The following GCNT1 variants were observed in gnomAD, a reference collection of about 807,000 sequenced individuals.
GCNT1 encodes glucosaminyl (N-acetyl) transferase 1, also known as beta-1,3-galactosyl-O-glycosyl-glycoprotein beta-1,6-N-acetylglucosaminyltransferase.
GCNT1 carries 16 observed loss-of-function variants against 26.2 expected under a neutral mutation model. The ratio of observed to expected loss-of-function variants is 0.61; its 90% CI spans 0.41 to 0.93. The LOEUF (loss-of-function observed/expected upper bound fraction) is 0.93, where lower values mean the gene tolerates loss of function less well. GCNT1 is among the 40% of genes least tolerant of loss of function. The pLI, the probability that GCNT1 is intolerant of heterozygous loss-of-function variation, is 0.00. For missense variants in GCNT1, 477 were observed against 526.7 expected (o/e 0.91, Z 0.92); for synonymous variants, 183 against 190.8 (o/e 0.96, Z 0.34).
chr9:76,462,915 T>C (rs531542325), intron 2 of GCNT1, among the ~76,000 whole-genome samples: 6 of 152,074 alleles, frequency 3.9e-5, no homozygotes, highest in Non-Finnish European at 8.8e-5. Context: ...TTTAAAAAGT[T>C]GAAAATGAAA....
chr9:76,426,668 G>GTTATCA (rs1564219939), intron 1 of GCNT1, among the ~76,000 whole-genome samples: 1 of 152,200 alleles, frequency 6.6e-6, no homozygotes, highest in East Asian at 1.9e-4. Context: ...GGCTAAGGCA[G>GTTATCA]GTGGATCACC....
chr9:76,405,712 G>A, the GCNT1 span, among the ~76,000 whole-genome samples: 1 of 152,074 alleles, frequency 6.6e-6, no homozygotes, highest in Non-Finnish European at 1.5e-5. Context: ...CGTCTTCATG[G>A]CTTGATGGCT....
intron 2 of GCNT1, among the ~76,000 whole-genome samples, chr9:76,472,654 T>A (rs1587433814): frequency 1.3e-5 from 2 of 152,186 alleles, no homozygotes; most frequent in East Asian, 3.8e-4. Flanking sequence ...TTTAAATATT[T>A]ACAGTAGACC....
intron 2 of GCNT1, among the ~76,000 whole-genome samples, chr9:76,464,030 CT>C (rs1192946211): frequency 2.3e-5 from 3 of 128,410 alleles, no homozygotes; most frequent in Admixed American, 7.9e-5. Context: ...ACTCCCATCT[CT>C]TTTTTTGTTT....
chr9:76,395,456 T>G, the GCNT1 span, among the ~76,000 whole-genome samples: 1 of 152,142 alleles, frequency 6.6e-6, no homozygotes, highest in South Asian at 2.1e-4. Context: ...GCTTGGTGGC[T>G]CACGCCTGTA....
intron 2 of GCNT1, among the ~76,000 whole-genome samples, chr9:76,471,009 C>T (rs1428866783): frequency 1.3e-5 from 2 of 152,226 alleles, no homozygotes; most frequent in Non-Finnish European, 2.9e-5. Context: ...AGCCCCTGAT[C>T]TCATCCATTG....
chr9:76,426,274 A>T (rs1381242695), intron 1 of GCNT1, among the ~76,000 whole-genome samples: 1 of 152,218 alleles, frequency 6.6e-6, no homozygotes, highest in African/African-American at 2.4e-5. Context: ...CTTTCACTGT[A>T]ATAATTTTCT....
upstream of GCNT1, among the ~76,000 whole-genome samples, chr9:76,454,985 T>C (rs1365007348): frequency 1.3e-5 from 2 of 151,438 alleles, no homozygotes; most frequent in East Asian, 1.9e-4. Flanking sequence ...GTAGCTGGGA[T>C]TACAGGCGTG....
At chr9:76,443,354 G>T (rs954787478) in intron 1 of GCNT1, among the ~76,000 whole-genome samples, 3 of 152,170 alleles carry the variant, frequency 2.0e-5, no homozygotes, top group Non-Finnish European at 4.4e-5. Flanking sequence ...TTTATTAACA[G>T]CAAGCCAGTC....
chr9:76,481,306 T>C (rs999401837), intron 2 of GCNT1, among the ~76,000 whole-genome samples: 5 of 151,910 alleles, frequency 3.3e-5, no homozygotes, highest in Non-Finnish European at 5.9e-5. Context: ...CCCCTTCTGC[T>C]TGATCAAGAC....
At position 76,502,565 on chromosome 9, in the gene GCNT1, G is replaced by A. The variant is rs765254028; in HGVS notation, c.184G>A (p.Val62Ile). Residue 62 changes from valine (V) to isoleucine (I), a missense_variant, in exon 4 of 4, where the codon GTT (valine) becomes ATT (isoleucine). Transcript: ENST00000376730. ...NPSSDINCTK[V>I]LQGDVNEIQK... ...TAGTAGTGATATTAATTGCACCAAA[G>A]TTTTACAGGGTGATGTAAATGAAAT... 17 of 1,613,874 alleles carry A rather than the reference G, an allele frequency of 1.1e-5. No individual in the cohort carries two copies. Among genetic ancestry groups the A allele is most frequent in the African/African-American group, 2.7e-5 (2 of 74,910 alleles).
upstream of GCNT1, among the ~76,000 whole-genome samples, chr9:76,454,848 T>C (rs550871258): frequency 3.4e-3 from 480 of 139,468 alleles, 3 homozygotes; most frequent in African/African-American, 0.012. Context: ...TTTTCTTTTT[T>C]TTTTTTTTTT....
chr9:76,472,149 C>T (rs1248146564), intron 2 of GCNT1, among the ~76,000 whole-genome samples: 2 of 152,088 alleles, frequency 1.3e-5, no homozygotes, highest in African/African-American at 2.4e-5. Context: ...TGGTGGCGTT[C>T]GCCTGTAATC....
At chr9:76,465,724 G>C (rs1306859972) in intron 2 of GCNT1, among the ~76,000 whole-genome samples, 1 of 152,212 alleles carries the variant, frequency 6.6e-6, no homozygotes, top group Non-Finnish European at 1.5e-5. Context: ...AGCAGCACTG[G>C]ATAACGCTTA....
the GCNT1 span, among the ~76,000 whole-genome samples, chr9:76,405,058 A>G: frequency 1.3e-5 from 2 of 152,068 alleles, no homozygotes; most frequent in African/African-American, 2.4e-5. Context: ...GCCTCAGATG[A>G]TCTGCCCGCC....
chr9:76,466,771 C>T (rs554640900), intron 2 of GCNT1, among the ~76,000 whole-genome samples: 5 of 152,268 alleles, frequency 3.3e-5, no homozygotes, highest in South Asian at 2.1e-4. Flanking sequence ...GGTCCAGAAT[C>T]GTGAGGACTT....
At chr9:76,458,031 C>G (rs1321243319), upstream of GCNT1, among the ~76,000 whole-genome samples, 1 of 152,110 alleles carries the variant, frequency 6.6e-6, no homozygotes, top group Non-Finnish European at 1.5e-5. Context: ...TACCTGCAGT[C>G]AATTTATTTC....
At chr9:76,498,476 T>TA (rs1055582693) in intron 2 of GCNT1, among the ~76,000 whole-genome samples, 1 of 151,992 alleles carries the variant, frequency 6.6e-6, no homozygotes, top group African/African-American at 2.4e-5. Flanking sequence ...CTCAATGAGA[T>TA]AAAAAATACA....
chr9:76,434,113 T>G (rs1320679018), intron 1 of GCNT1, among the ~76,000 whole-genome samples: 1 of 152,196 alleles, frequency 6.6e-6, no homozygotes. Flanking sequence ...TTTCAACAGC[T>G]TTTACATTTT....
Sources: gnomAD v4.1 joint callset for allele counts (sites outside exome capture counted in the v4.1 genomes callset) on GRCh38, gnomAD v4.1.1 for gene constraint, MANE v1.5 for transcripts, NCBI Gene and HGNC (gene_info 2026-07-23, HGNC 2026-07-21) for gene names.